Variants in BAZ2A observed in about 807,000 individuals in gnomAD.
BAZ2A encodes bromodomain adjacent to zinc finger domain protein 2A.
In BAZ2A, 34 loss-of-function variants were observed where a neutral mutation model predicts 199.9. That is an observed-to-expected ratio of 0.17 (90% CI 0.13 to 0.23). The LOEUF (loss-of-function observed/expected upper bound fraction) is 0.23. Among genes scored for constraint, BAZ2A ranks in the 10% least tolerant of loss-of-function variants. The probability of loss-of-function intolerance (pLI) is 1.00; values close to 1 mark genes in which losing one functional copy is unlikely to be tolerated. For missense variants in BAZ2A, 2,002 were observed against 2,391.1 expected, an observed-to-expected ratio of 0.84 and a Z score of 3.39; for synonymous variants, 857 against 883.9, an observed-to-expected ratio of 0.97 and a Z score of 0.54.
Position 56,596,429 on chromosome 12 carries a change from C to A in BAZ2A, c.*2189G>T, listed in dbSNP as rs1026891389. The A allele has an allele frequency of 6.6e-6, 1 of 152,440 alleles. No homozygotes were observed. The highest frequency in any genetic ancestry group is 1.5e-5 in the Non-Finnish European group (1 of 68,018). The allele number at this position is 152,440 out of a possible 1,614,324, so 9.4% of individuals were successfully genotyped here. ...CCACCCCCAACCCCGCTCCAGCCCCCACTTCTTCAAACTGAGGCTAGGACC... is the reference window on the plus strand; with the variant it reads ...CCACCCCCAACCCCGCTCCAGCCCCAACTTCTTCAAACTGAGGCTAGGACC... On this transcript the variant is annotated 3_prime_UTR_variant, in exon 29 of 29. Transcript: ENST00000549884.
Position 56,613,193 on chromosome 12 carries a change from C to A in BAZ2A, c.957G>T (p.Glu319Asp), listed in dbSNP as rs1261611202. 1 of 1,614,048 alleles carries A rather than the reference C, an allele frequency of 6.2e-7. No individual in the cohort carries two copies. Among genetic ancestry groups the A allele is most frequent in the South Asian group, 1.1e-5 (1 of 91,086 alleles). Reference protein sequence around the residue: ...SGGLYGIDDTELMGAEDKLPL... With the variant: ...SGGLYGIDDTDLMGAEDKLPL... ...GCAGCTTGTCCTCTGCACCCATCAG[C>A]TCCGTGTCATCAATACCATATAGTC... is the stretch of plus-strand genomic sequence containing the variant. Residue 319 changes from glutamate (E) to aspartate (D), a missense_variant, in exon 5 of 29, where the codon GAG becomes GAT. Coordinates refer to ENST00000549884, the MANE Select transcript of BAZ2A (RefSeq NM_001300905.2).
chr12:56,605,050 C>T, intron 14 of BAZ2A, 23 bp downstream of exon 14: 1 of 1,566,092 alleles, frequency 6.4e-7, no homozygotes, highest in Non-Finnish European at 8.7e-7. Context: ...GTCCTGGTTA[C>T]TTTGGGAGGG....
rs377757099 is a variant in BAZ2A at position 56,598,606 on chromosome 12, A to C, written c.*12T>G. On this transcript the variant is annotated 3_prime_UTR_variant, in exon 29 of 29. Transcript: ENST00000549884. Reference sequence around the variant, plus strand: ...GGGAGATGCCACAAGGTGACTCCCCACCTCCCTTGCCTCACAGATTGGCCT... The same window carrying C: ...GGGAGATGCCACAAGGTGACTCCCCCCCTCCCTTGCCTCACAGATTGGCCT... The C allele has an allele frequency of 5.3e-4, 854 of 1,611,760 alleles. No individual in the cohort carries two copies. The highest frequency in any genetic ancestry group is 6.6e-4 in the Non-Finnish European group (783 of 1,179,238).
chr12:56,615,122 C>T lies in BAZ2A; in HGVS notation c.622G>A (p.Gly208Ser). The change falls in exon 3 of 29, where the codon GGC becomes AGC. Residue 208 changes from glycine to serine, a missense_variant. This residue lies in a region of BAZ2A where 641 missense variants were observed against 694.5 expected (regional missense o/e 0.92). Transcript: ENST00000549884. The part of the protein sequence containing the change: ...IQTFAPSQEV[G>S]SGIHPDEAAE... ...GCCTCATCAGGATGGATACCACTGC[C>T]TACCTCCTGGGAGGGTGCAAAGGTT... 6.2e-7 allele frequency: 1 copy of T among 1,613,856 alleles called. No individual in the cohort carries two copies.
intron 13 of BAZ2A, 64 bp downstream of exon 13, chr12:56,605,766 T>A: frequency 4.2e-6 from 1 of 235,458 alleles, no homozygotes; most frequent in Non-Finnish European, 6.6e-6. Flanking sequence ...GCAGAAGTCC[T>A]TTTTTTTTTT....
chr12:56,624,389 G>C (rs919505858), intron 1 of BAZ2A, among the ~76,000 whole-genome samples: 5 of 152,160 alleles, frequency 3.3e-5, no homozygotes, highest in Admixed American at 6.5e-5. Context: ...ACTGTTCTCT[G>C]TCCTTATTTC....
intron 2 of BAZ2A, among the ~76,000 whole-genome samples, chr12:56,616,278 C>T (rs139875950): frequency 7.9e-4 from 120 of 152,262 alleles, no homozygotes; most frequent in Middle Eastern, 3.4e-3. Context: ...CTCTCATTCC[C>T]TAGGGGATTT....
chr12:56,622,214 C>T (rs1321217254), intron 1 of BAZ2A, among the ~76,000 whole-genome samples: 1 of 151,996 alleles, frequency 6.6e-6, no homozygotes, highest in Non-Finnish European at 1.5e-5. Context: ...GTGGCGGGCA[C>T]CTGTAATCCC....
rs1885849818 is a variant in BAZ2A, at chr12:56,596,490, A to G, written c.*2128T>C. 1 of 152,532 alleles carries G rather than the reference A, an allele frequency of 6.6e-6. No homozygotes were observed. Among genetic ancestry groups the G allele is most frequent in the Non-Finnish European group, 1.5e-5 (1 of 68,066 alleles). 9.4% of individuals were successfully genotyped at this position (152,532 alleles called of 1,614,324 possible). A position where few individuals can be genotyped will look rare whatever the true frequency, so the allele number is the denominator to read the frequency against. On this transcript the variant is annotated 3_prime_UTR_variant, in exon 29 of 29. Coordinates refer to ENST00000549884, the MANE Select transcript of BAZ2A (RefSeq NM_001300905.2). ...ATATGAGTGCCTGGTCCCTAGGGAA[A>G]GAGATGGAGCTGGGAGAGGAACACA...
intron 16 of BAZ2A, 89 bp downstream of exon 16, chr12:56,604,128 A>C (rs1052742720): frequency 7.8e-6 from 10 of 1,284,758 alleles, no homozygotes; most frequent in Non-Finnish European, 8.8e-6. Flanking sequence ...AAGGGGCTAA[A>C]GCATCACATT....
chr12:56,604,701 C>A lies in BAZ2A; in HGVS notation c.2847G>T (p.Glu949Asp), dbSNP rs376022199. ...LRCFLMAYGV[E>D]PALCDRLRTQ... ...TGCGCAGGCGGTCACAGAGGGCTGG[C>A]TCTACTCCATATGCCATAAGGAAGC... The change falls in exon 15 of 29, where the codon GAG becomes GAT. Residue 949 changes from glutamate to aspartate, a missense_variant. Glu to Asp is a conservative substitution (Grantham distance 45, BLOSUM62 2). Coordinates refer to ENST00000549884, the MANE Select transcript of BAZ2A (RefSeq NM_001300905.2). 15 of 1,613,526 alleles carry A rather than the reference C, an allele frequency of 9.3e-6. No individual in the cohort carries two copies. The highest frequency in any genetic ancestry group is 1.3e-5 in the Non-Finnish European group (15 of 1,179,780).
At chr12:56,602,272 A>G in intron 19 of BAZ2A, 80 bp from the exon 20 acceptor site, 1 of 1,257,926 alleles carries the variant, frequency 7.9e-7, no homozygotes, top group Non-Finnish European at 1.1e-6. Context: ...TAGGACCTAT[A>G]CTTTCTTTTT....
chr12:56,613,514 T>C (rs1414828823), intron 4 of BAZ2A, among the ~76,000 whole-genome samples: 1 of 151,974 alleles, frequency 6.6e-6, no homozygotes, highest in Non-Finnish European at 1.5e-5. Context: ...CTCTACAAGG[T>C]GAAAATGAAA....
At chr12:56,617,324 AT>A (rs1441315814) in intron 2 of BAZ2A, 70 bp downstream of exon 2, 2 of 1,350,712 alleles carry the variant, frequency 1.5e-6, no homozygotes, top group East Asian at 2.9e-5. Context: ...AGAGCAAAAT[AT>A]CCCCCCATGA....
intron 3 of BAZ2A, 76 bp from the exon 4 acceptor site, chr12:56,614,214 A>G (rs1408719424): frequency 2.3e-5 from 32 of 1,412,410 alleles, no homozygotes; most frequent in Non-Finnish European, 3.0e-5. Flanking sequence ...TAGGCAGTCA[A>G]TCTTTGCTAG....
intron 1 of BAZ2A, among the ~76,000 whole-genome samples, chr12:56,623,603 G>A (rs1001837858): frequency 6.6e-6 from 1 of 151,998 alleles, no homozygotes. Context: ...CACATCTCTG[G>A]ATTACCCACC....
At chr12:56,602,531 CAG>C (rs1950211676) in intron 19 of BAZ2A, among the ~76,000 whole-genome samples, 180 bp downstream of exon 19, 1 of 152,188 alleles carries the variant, frequency 6.6e-6, no homozygotes, top group African/African-American at 2.4e-5. Context: ...AATGAAGAAA[CAG>C]AATCATACAG....
rs776621872 is a variant in BAZ2A, at chr12:56,601,720, T to C, written c.3897A>G (p.Pro1299=). 1.2e-6 allele frequency: 2 copies of C among 1,613,828 alleles called. No individual in the cohort carries two copies. The highest frequency in any genetic ancestry group is 2.7e-5 in the African/African-American group (2 of 74,898). ...DSSPGKLDPA[P]SQPPEEPEPD... is the part of the protein sequence containing the mutation. ...GCTCTGGCTCCTCCGGGGGTTGTGATGGAGCTGGGTCTAGTTTTCCCGGAC... is the reference window on the plus strand; with the variant it reads ...GCTCTGGCTCCTCCGGGGGTTGTGACGGAGCTGGGTCTAGTTTTCCCGGAC... The change falls in exon 20 of 29, where the codon CCA becomes CCG. Residue 1299 remains proline, a synonymous_variant. Transcript: ENST00000549884.
intron 19 of BAZ2A, 114 bp from the exon 20 acceptor site, chr12:56,602,306 T>C: frequency 1.1e-6 from 1 of 941,546 alleles, no homozygotes; most frequent in Non-Finnish European, 1.5e-6. Context: ...TCCCCCTTTT[T>C]TGAGATTCCA....
Sources: allele counts gnomAD v4.1 joint callset (sites outside exome capture counted in the v4.1 genomes callset), GRCh38; gene constraint gnomAD v4.1.1; regional missense constraint gnomAD v4.1.1; transcripts MANE v1.5; gene names NCBI Gene and HGNC (gene_info 2026-07-23, HGNC 2026-07-21).